Variants in GRM6 observed in about 807,000 individuals in gnomAD.
GRM6 encodes the protein glutamate metabotropic receptor 6.
Under a neutral mutation model 78.4 loss-of-function variants are expected in GRM6, and 73 were observed. That is an observed-to-expected ratio of 0.93 (90% CI 0.77 to 1.13). GRM6 has a LOEUF of 1.13. Among genes scored for constraint, GRM6 ranks in the 50% most tolerant of loss-of-function variants. The pLI, the probability that GRM6 is intolerant of heterozygous loss-of-function variation, is 0.00. For synonymous variants in GRM6, 580 were observed against 555.0 expected (o/e 1.05, Z -0.63); for missense variants, 1,251 against 1,256.4 (o/e 1.00, Z 0.07).
chr5:178,988,915 G>A lies in GRM6; in HGVS notation c.1354+20C>T, dbSNP rs375211773. Reference sequence around the variant, plus strand: ...CCCCAGCTGTCCTTCACTGCTGCAGGGGGGCAGGCACCCACTCACCATTGA... The same window carrying A: ...CCCCAGCTGTCCTTCACTGCTGCAGAGGGGCAGGCACCCACTCACCATTGA... On this transcript the variant is annotated intron_variant, in intron 7 of 10. Transcript: ENST00000517717. The surrounding 1 kb of genome is among the most constrained non-coding windows in gnomAD (Gnocchi z 6.0). The A allele has an allele frequency of 3.1e-6, 5 of 1,600,196 alleles. No homozygotes were observed. The highest frequency in any genetic ancestry group is 1.1e-5 in the South Asian group (1 of 90,436).
chr5:178,990,462 C>G, intron 5 of GRM6, 130 bp downstream of exon 5: 2 of 819,950 alleles, frequency 2.4e-6, no homozygotes. Context: ...TGATCGGACT[C>G]ATAGGATCTG....
intron 4 of GRM6, 45 bp from the exon 5 acceptor site, chr5:178,990,791 T>A: frequency 6.7e-7 from 1 of 1,495,350 alleles, no homozygotes; most frequent in Non-Finnish European, 9.1e-7. Flanking sequence ...GGGAGCCTCC[T>A]CCAGCTCGGC....
intron 10 of GRM6, chr5:178,982,706 A>AG (rs1269564218): frequency 7.0e-5 from 37 of 530,456 alleles, no homozygotes; most frequent in African/African-American, 6.6e-4. Flanking sequence ...AAAAAAAAAG[A>AG]AAAAAAGAAG....
Position 178,986,424 on chromosome 5 carries a change from G to T in GRM6, c.1830C>A (p.Tyr610Ter). The stretch of plus-strand genomic sequence containing the variant: ...AGGCCCGGACGATGGGCGTGTTGTT[G>T]TACCGCACGAAGGTGGCCACCACCG... Reference protein sequence around the residue: ...TTTVVATFVRYNNTPIVRASG... With the variant: ...TTTVVATFVR The change falls in exon 9 of 11, where the codon TAC (tyrosine) becomes TAA (stop). Residue 610 changes from tyrosine to a stop codon, truncating the protein, a stop_gained. Transcript: ENST00000517717. LOFTEE classifies it high-confidence loss of function. The T allele has an allele frequency of 1.2e-6, 2 of 1,613,618 alleles. No homozygotes were observed. The highest frequency in any genetic ancestry group is 8.5e-7 in the Non-Finnish European group (1 of 1,179,974).
chr5:178,986,200 G>C lies in GRM6; in HGVS notation c.2054C>G (p.Ser685Trp), dbSNP rs144657366. ...IYRIFEQGKRSVTPPPFISPT... is the reference protein window; with the variant it reads ...IYRIFEQGKRWVTPPPFISPT... ...GCTGATGAAGGGAGGGGGTGTGACC[G>C]AGCGCTTGCCCTGCTCAAAGATGCG... Residue 685 changes from serine (S) to tryptophan (W), a missense_variant, in exon 9 of 11, where the codon TCG (serine) becomes TGG (tryptophan). Transcript: ENST00000517717. 1,092 of 1,614,086 alleles carry C rather than the reference G, an allele frequency of 6.8e-4. 6 individuals are homozygous for C. In the African/African-American group the frequency reaches 0.012, roughly 18 times the overall value.
In GRM6 at chr5:178,989,293, C is replaced by G; in HGVS notation, c.1125G>C (p.Gln375His). 1 of 1,610,198 alleles carries G rather than the reference C, an allele frequency of 6.2e-7. No homozygotes were observed. Among genetic ancestry groups the G allele is most frequent in the Non-Finnish European group, 8.5e-7 (1 of 1,178,718 alleles). ...TGCATTTGCGGGTGGAATCGTCTGA[C>G]TGGGTACCTGAGCTGGTCAGTTTGC... Reference protein sequence around the residue: ...FNCKLTSSGTQSDDSTRKCTG... With the variant: ...FNCKLTSSGTHSDDSTRKCTG... Residue 375 changes from glutamine to histidine, a missense_variant, in exon 6 of 11, where the codon CAG (glutamine) becomes CAC (histidine). By Grantham distance (24) the Gln-to-His change is conservative. Coordinates refer to ENST00000517717, the MANE Select transcript of GRM6 (RefSeq NM_000843.4).
chr5:178,979,316 T>C lies in GRM6; in HGVS notation c.*2341A>G, dbSNP rs908525456. Reference sequence around the variant, plus strand: ...ACACACCGAGTGTGGAAAAGCCCTCTTGTGGAAGTCAGTTATTTGTGTACA... The same window carrying C: ...ACACACCGAGTGTGGAAAAGCCCTCCTGTGGAAGTCAGTTATTTGTGTACA... On this transcript the variant is annotated 3_prime_UTR_variant, in exon 11 of 11. Transcript: ENST00000517717. 6.6e-6 allele frequency: 1 copy of C among 152,206 alleles called. No individual in the cohort carries two copies. Among genetic ancestry groups the C allele is most frequent in the Admixed American group, 6.5e-5 (1 of 15,276 alleles). 9.4% of individuals were successfully genotyped at this position (152,206 alleles called of 1,614,324 possible). A position where few individuals can be genotyped will look rare whatever the true frequency, so the allele number is the denominator to read the frequency against.
Position 178,991,856 on chromosome 5 carries a change from C to T in GRM6, c.721+11G>A. 2.5e-6 allele frequency: 4 copies of T among 1,610,330 alleles called. No individual in the cohort carries two copies. Among genetic ancestry groups the T allele is most frequent in the Non-Finnish European group, 3.4e-6 (4 of 1,176,956 alleles). ...TGTAGACTCCTTGGTGCCTCGGAGC[C>T]CCCAGCTCACCAGCCTCTCGGGAGA... On this transcript the variant is annotated intron_variant, in intron 3 of 10. Coordinates refer to ENST00000517717, the MANE Select transcript of GRM6 (RefSeq NM_000843.4). This position sits in a 1 kb window ranked among gnomAD's most constrained non-coding sequence, Gnocchi z 5.0.
chr5:178,988,643 GA>G lies in GRM6; in HGVS notation c.1354+291del, dbSNP rs1760610732. Among the ~76,000 whole-genome samples, 1 of 152,224 alleles carries G rather than the reference GA, an allele frequency of 6.6e-6. No homozygotes were observed. Among genetic ancestry groups the G allele is most frequent in the African/African-American group, 2.4e-5 (1 of 41,462 alleles). On this transcript the variant is annotated intron_variant, in intron 7 of 10. Transcript: ENST00000517717. This position sits in a 1 kb window ranked among gnomAD's most constrained non-coding sequence, Gnocchi z 6.0. ...AGATGCCCTCAAGCTCTGCGCAGTGGAGGGGAGTGTGGTGTGACCCACTGGG... is the reference window on the plus strand; with the variant it reads ...AGATGCCCTCAAGCTCTGCGCAGTGGGGGGAGTGTGGTGTGACCCACTGGG...
Position 178,991,311 on chromosome 5 carries a change from G to GGGGAGCA in GRM6, c.857+106_857+112dup. On this transcript the variant is annotated intron_variant, in intron 4 of 10. Transcript: ENST00000517717. The surrounding 1 kb of genome is among the most constrained non-coding windows in gnomAD (Gnocchi z 5.0). ...CAGCAGCAGGGAAGGTGGGGGGTGC[G>GGGGAGCA]GGGAGCAGGGGAAAGGGAGGCAGGG... 2.8e-6 allele frequency: 3 copies of GGGGAGCA among 1,062,084 alleles called. No individual in the cohort carries two copies. The South Asian group carries it at 3.8e-5, about 13-fold the overall frequency. The allele number at this position is 1,062,084 out of a possible 1,614,324, so 65.8% of individuals were successfully genotyped here.
chr5:178,989,680 A>G lies in GRM6; in HGVS notation c.1013-275T>C, dbSNP rs556786357. Reference sequence around the variant, plus strand: ...CTGGAGGTTCCAGGGTAGCACTTACATGCTGATGCAAACTCAGAGCCTCAC... The same window carrying G: ...CTGGAGGTTCCAGGGTAGCACTTACGTGCTGATGCAAACTCAGAGCCTCAC... On this transcript the variant is annotated intron_variant, in intron 5 of 10. Transcript: ENST00000517717. 20 of 544,630 alleles carry G rather than the reference A, an allele frequency of 3.7e-5. No individual in the cohort carries two copies. In the South Asian group the frequency reaches 3.8e-4, roughly 10 times the overall value. 33.7% of individuals were successfully genotyped at this position (544,630 alleles called of 1,614,324 possible).
At position 178,986,117 on chromosome 5, in the gene GRM6, C is replaced by T. The variant is rs764299057; in HGVS notation, c.2124+13G>A. 1 of 1,611,144 alleles carries T rather than the reference C, an allele frequency of 6.2e-7. No individual in the cohort carries two copies. The highest frequency in any genetic ancestry group is 8.5e-7 in the Non-Finnish European group (1 of 1,178,732). The stretch of plus-strand genomic sequence containing the variant: ...CCCTCCCTGCCCTGGCCCTTGGGAG[C>T]CTACGGACCCACCTGCAGGGAGGTG... On this transcript the variant is annotated intron_variant, in intron 9 of 10. Transcript: ENST00000517717.
Position 178,988,840 on chromosome 5 carries a change from C to T in GRM6, c.1354+95G>A. On this transcript the variant is annotated intron_variant, in intron 7 of 10. Transcript: ENST00000517717. The surrounding 1 kb of genome is among the most constrained non-coding windows in gnomAD (Gnocchi z 6.0). ...CCCCCATTAGACCACTCAGCCTCAC[C>T]CAGCCCTTCCACCCTGAGGTTGTCC... 1 of 1,019,342 alleles carries T rather than the reference C, an allele frequency of 9.8e-7. No individual in the cohort carries two copies. Among genetic ancestry groups the T allele is most frequent in the South Asian group, 1.4e-5 (1 of 70,220 alleles). The allele number at this position is 1,019,342 out of a possible 1,614,324, so 63.1% of individuals were successfully genotyped here. A position where few individuals can be genotyped will look rare whatever the true frequency, so the allele number is the denominator to read the frequency against.
chr5:178,982,407 A>G (rs573701257), intron 10 of GRM6, among the ~76,000 whole-genome samples: 8 of 152,016 alleles, frequency 5.3e-5, no homozygotes, highest in African/African-American at 9.6e-5. Flanking sequence ...GTGAAACCCC[A>G]TCTCTACTAA....
intron 7 of GRM6, among the ~76,000 whole-genome samples, chr5:178,987,731 G>C (rs1760595275): frequency 6.6e-6 from 1 of 152,054 alleles, no homozygotes; most frequent in African/African-American, 2.4e-5. Flanking sequence ...ATAGATGGTG[G>C]TGATGGTTGC....
rs769977682 is a variant in GRM6, at chr5:178,994,639, G to A, written c.306C>T (p.Asp102=). The A allele has an allele frequency of 5.8e-5, 84 of 1,459,506 alleles. No homozygotes were observed. Among genetic ancestry groups the A allele is most frequent in the Non-Finnish European group, 7.0e-5 (78 of 1,108,494 alleles). 90.4% of individuals were successfully genotyped at this position (1,459,506 alleles called of 1,614,324 possible). The change falls in exon 2 of 11, where the codon GAC becomes GAT. Residue 102 remains aspartate (D), a synonymous_variant. Coordinates refer to ENST00000517717, the MANE Select transcript of GRM6 (RefSeq NM_000843.4). The stretch of plus-strand genomic sequence containing the variant: ...TCAGCGCCTGCTCCAGCGCGTAGGT[G>A]TCCCGCGAGCAGGTGTCCAGCAGCC... ...GARLLDTCSR[D]TYALEQALSF...
chr5:178,992,396 C>CA lies in GRM6; in HGVS notation c.505-314_505-313insT, dbSNP rs1394958359. The CA allele has an allele frequency of 3.0e-6, 1 of 337,702 alleles. No homozygotes were observed. Among genetic ancestry groups the CA allele is most frequent in the Non-Finnish European group, 5.5e-6 (1 of 182,162 alleles). 20.9% of individuals were successfully genotyped at this position (337,702 alleles called of 1,614,324 possible). A position where few individuals can be genotyped will look rare whatever the true frequency, so the allele number is the denominator to read the frequency against. On this transcript the variant is annotated intron_variant, in intron 2 of 10. Transcript: ENST00000517717. This position sits in a 1 kb window ranked among gnomAD's most constrained non-coding sequence, Gnocchi z 4.9. ...GTACAAGCTGTGTCCTGAACAAGGACCCCCAGCAGAGGGCCTGCAGCCCAT... is the reference window on the plus strand; with the variant it reads ...GTACAAGCTGTGTCCTGAACAAGGACACCCCAGCAGAGGGCCTGCAGCCCAT...
Position 178,992,433 on chromosome 5 carries a change from T to G in GRM6, c.505-350A>C. The G allele has an allele frequency of 2.4e-6, 1 of 424,270 alleles. No individual in the cohort carries two copies. 26.3% of individuals were successfully genotyped at this position (424,270 alleles called of 1,614,324 possible). ...GGCCTGCAGCCCATCCAGCTGCATC[T>G]GCCTGTCCTAGTCAGGCCCAGGGCA... On this transcript the variant is annotated intron_variant, in intron 2 of 10. Coordinates refer to ENST00000517717, the MANE Select transcript of GRM6 (RefSeq NM_000843.4). This position sits in a 1 kb window ranked among gnomAD's most constrained non-coding sequence, Gnocchi z 4.9.
chr5:178,989,354 A>T lies in GRM6; in HGVS notation c.1064T>A (p.Ile355Asn). The change falls in exon 6 of 11, where the codon ATC becomes AAC. Residue 355 changes from isoleucine (I) to asparagine (N), a missense_variant. Coordinates refer to ENST00000517717, the MANE Select transcript of GRM6 (RefSeq NM_000843.4). ...TRSLENNRRNIWFAEFWEENF... is the reference protein window; with the variant it reads ...TRSLENNRRNNWFAEFWEENF... ...CTCTTCCCAGAACTCGGCGAACCAG[A>T]TGTTCCTGCGGTTGTTCTCCAGGGA... 1.9e-6 allele frequency: 3 copies of T among 1,613,950 alleles called. No individual in the cohort carries two copies. The highest frequency in any genetic ancestry group is 2.5e-6 in the Non-Finnish European group (3 of 1,179,884).
Sources: allele counts gnomAD v4.1 joint callset (sites outside exome capture counted in the v4.1 genomes callset), GRCh38; gene constraint gnomAD v4.1.1; non-coding constraint Gnocchi (gnomAD v3.1); transcripts MANE v1.5; gene names NCBI Gene and HGNC (gene_info 2026-07-23, HGNC 2026-07-21).